Variants in ACOT9 observed in about 807,000 individuals in gnomAD.
ACOT9 encodes the protein acyl-CoA thioesterase 9.
A neutral mutation model predicts 39.7 loss-of-function variants in ACOT9; 34 were observed. The observed-to-expected ratio is 0.86, with a 90% CI of 0.65 to 1.14. The LOEUF is 1.14. ACOT9 is among the 50% of genes most tolerant of loss of function. The pLI, the probability that ACOT9 is intolerant of heterozygous loss-of-function variation, is 0.00. For synonymous variants in ACOT9, 110 were observed against 120.5 expected, an observed-to-expected ratio of 0.91 and a Z score of 0.57; for missense variants, 313 against 344.1, an observed-to-expected ratio of 0.91 and a Z score of 0.71.
chrX:23,722,892 C>A, intron 6 of ACOT9, 139 bp from the exon 7 acceptor site: 1 of 394,244 alleles, frequency 2.5e-6, no homozygotes, highest in Non-Finnish European at 4.5e-6. Context: ...ATCATCTTAT[C>A]CTAGGATCAA....
At chrX:23,738,057 C>T (rs188118199) in intron 1 of ACOT9, among the ~76,000 whole-genome samples, 2 of 105,322 alleles carry the variant, frequency 1.9e-5, no homozygotes, top group African/African-American at 3.5e-5. Flanking sequence ...TTAGTAGAGA[C>T]GGGGTTTCAT....
At chrX:23,740,609 C>T (rs1260818299) in intron 1 of ACOT9, among the ~76,000 whole-genome samples, 2 of 108,737 alleles carry the variant, frequency 1.8e-5, no homozygotes, top group African/African-American at 6.7e-5. Context: ...AACCAACCTC[C>T]TTAAGAAACT....
chrX:23,709,667 T>C (rs1415286128), intron 9 of ACOT9, among the ~76,000 whole-genome samples: 1 of 111,664 alleles, frequency 9.0e-6, no homozygotes, highest in African/African-American at 3.3e-5. Context: ...TGCAGACTCC[T>C]AAATCAAGTT....
At chrX:23,738,907 C>T (rs1361672117) in intron 1 of ACOT9, among the ~76,000 whole-genome samples, 1 of 111,897 alleles carries the variant, frequency 8.9e-6, no homozygotes, top group African/African-American at 3.3e-5. Flanking sequence ...GCAGCATTTT[C>T]TGAAGAGGGA....
intron 14 of ACOT9, 54 bp from the exon 15 acceptor site, chrX:23,704,898 G>A: frequency 1.7e-6 from 2 of 1,176,411 alleles, no homozygotes; most frequent in African/African-American, 3.5e-5. Context: ...GGGGAAAAAG[G>A]CAGTCATAAG....
Position 23,721,645 on chromosome X carries a change from T to C in ACOT9, c.588+236A>G, listed in dbSNP as rs193175334. ...AGAACCAGAAACAAACACCTTAACA[T>C]GGACTTGTATATGATTAGAAATAAA... On this transcript the variant is annotated intron_variant, in intron 8 of 15. Coordinates refer to ENST00000379303, the MANE Select transcript of ACOT9 (RefSeq NM_001037171.2). 2.7e-5 allele frequency among the ~76,000 whole-genome samples: 3 copies of C among 111,698 alleles called. No individual in the cohort carries two copies. The East Asian group carries it at 8.4e-4, about 31-fold the overall frequency.
chrX:23,735,244 A>C (rs1929907381), intron 2 of ACOT9, among the ~76,000 whole-genome samples: 1 of 65,981 alleles, frequency 1.5e-5, no homozygotes, highest in African/African-American at 5.3e-5. Flanking sequence ...CCATCCCAAA[A>C]AAAAAAAAAA....
intron 1 of ACOT9, among the ~76,000 whole-genome samples, chrX:23,742,209 TGAGTGAGAGAGA>T (rs1920974044): frequency 1.8e-5 from 1 of 56,292 alleles, no homozygotes; most frequent in African/African-American, 1.3e-4. Flanking sequence ...GAACAGTGAG[TGAGTGAGAGAGA>T]GAGAGAGAGA....
chrX:23,718,037 G>A (rs1251811262), intron 8 of ACOT9, among the ~76,000 whole-genome samples: 2 of 107,298 alleles, frequency 1.9e-5, no homozygotes, highest in Non-Finnish European at 3.8e-5. Flanking sequence ...GCAGTGAGCC[G>A]AGATCATGCC....
chrX:23,711,647 G>A, intron 9 of ACOT9, among the ~76,000 whole-genome samples: 1 of 111,927 alleles, frequency 8.9e-6, no homozygotes, highest in Non-Finnish European at 1.9e-5. Flanking sequence ...ACTGGAAAAA[G>A]ACTGATGGGA....
intron 6 of ACOT9, among the ~76,000 whole-genome samples, chrX:23,725,262 C>T (rs768947689): frequency 3.9e-5 from 4 of 101,593 alleles, no homozygotes; most frequent in African/African-American, 1.1e-4. Context: ...CCTGAAGTCA[C>T]GAGTTTGAGA....
chrX:23,739,309 G>T (rs1404221855), intron 1 of ACOT9, among the ~76,000 whole-genome samples: 1 of 111,193 alleles, frequency 9.0e-6, no homozygotes, highest in African/African-American at 3.3e-5. Flanking sequence ...TAACCTCCCT[G>T]ATCCTCAGTT....
Position 23,731,058 on chromosome X carries a change from A to G in ACOT9, c.192-72T>C, listed in dbSNP as rs142115451. The G allele has an allele frequency of 2.1e-3, 1,920 of 902,981 alleles. 24 individuals are homozygous for G. The African/African-American group carries it at 0.032, about 15-fold the overall frequency. 74.4% of individuals were successfully genotyped at this position (902,981 alleles called of 1,213,427 possible). On this transcript the variant is annotated intron_variant, in intron 4 of 15. Coordinates refer to ENST00000379303, the MANE Select transcript of ACOT9 (RefSeq NM_001037171.2). ...CCACAATTCCAGTGGTACACAGGCCAGTAAGATACCATCAAAGGAGGAAAA... is the reference window on the plus strand; with the variant it reads ...CCACAATTCCAGTGGTACACAGGCCGGTAAGATACCATCAAAGGAGGAAAA...
intron 4 of ACOT9, among the ~76,000 whole-genome samples, chrX:23,732,236 G>T (rs1490939967): frequency 8.9e-6 from 1 of 112,557 alleles, no homozygotes; most frequent in African/African-American, 3.2e-5. Context: ...GTTAAAAGGA[G>T]TAATCTATTA....
At chrX:23,739,721 G>A (rs962329880) in intron 1 of ACOT9, among the ~76,000 whole-genome samples, 2 of 110,567 alleles carry the variant, frequency 1.8e-5, no homozygotes, top group South Asian at 3.9e-4. Context: ...CTTGAGCCCC[G>A]GGGAGGTCGA....
chrX:23,735,119 A>G (rs948129627), intron 2 of ACOT9, among the ~76,000 whole-genome samples: 29 of 106,272 alleles, frequency 2.7e-4, no homozygotes, highest in Non-Finnish European at 5.2e-4. Flanking sequence ...CTAAAAATAC[A>G]AAAATTAGTT....
At chrX:23,724,691 G>C (rs1236707100) in intron 6 of ACOT9, among the ~76,000 whole-genome samples, 1 of 110,225 alleles carries the variant, frequency 9.1e-6, no homozygotes, top group Non-Finnish European at 1.9e-5. Flanking sequence ...GAGGATGCTT[G>C]AGCCCGAGAT....
At chrX:23,718,986 C>T (rs1337109670) in intron 8 of ACOT9, among the ~76,000 whole-genome samples, 2 of 107,402 alleles carry the variant, frequency 1.9e-5, no homozygotes, top group African/African-American at 6.8e-5. Context: ...AACAGTATTA[C>T]TGGCTGGGCA....
At chrX:23,736,390 G>C (rs5925599) in intron 1 of ACOT9, among the ~76,000 whole-genome samples, 1 of 111,189 alleles carries the variant, frequency 9.0e-6, no homozygotes, top group Admixed American at 9.7e-5. Context: ...CTTTATTATC[G>C]CACCATATTT....
Sources: allele counts gnomAD v4.1 joint callset (sites outside exome capture counted in the v4.1 genomes callset), GRCh38; gene constraint gnomAD v4.1.1; transcripts MANE v1.5; gene names NCBI Gene and HGNC (gene_info 2026-07-23, HGNC 2026-07-21).